Variants in ZDHHC13 observed in about 807,000 individuals in gnomAD.
ZDHHC13 encodes palmitoyltransferase ZDHHC13.
In ZDHHC13, 85 loss-of-function variants were observed where a neutral mutation model predicts 86.0. The ratio of observed to expected loss-of-function variants is 0.99; its 90% CI spans 0.83 to 1.18. The LOEUF (loss-of-function observed/expected upper bound fraction) is 1.18, where lower values mean the gene tolerates loss of function less well. ZDHHC13 is among the 50% of genes most tolerant of loss of function. The pLI, the probability that ZDHHC13 is intolerant of heterozygous loss-of-function variation, is 0.00. For synonymous variants in ZDHHC13, 263 were observed against 246.4 expected, an observed-to-expected ratio of 1.07 and a Z score of -0.63; for missense variants, 711 against 730.2, an observed-to-expected ratio of 0.97 and a Z score of 0.30.
intron 14 of ZDHHC13, chr11:19,168,744 G>T: frequency 1.1e-6 from 1 of 945,950 alleles, no homozygotes; most frequent in Non-Finnish European, 1.3e-6. Context: ...TATTACTAGA[G>T]CCCTGCTCTA....
At chr11:19,170,881 G>A (rs1850203964) in intron 15 of ZDHHC13, among the ~76,000 whole-genome samples, 1 of 152,186 alleles carries the variant, frequency 6.6e-6, no homozygotes, top group African/African-American at 2.4e-5. Context: ...AAGGTAAATT[G>A]AATTGCTCAA....
chr11:19,124,811 A>C (rs1049280668), intron 1 of ZDHHC13, among the ~76,000 whole-genome samples: 4 of 152,188 alleles, frequency 2.6e-5, no homozygotes, highest in African/African-American at 9.7e-5. Context: ...ACCTATTCAG[A>C]AAAGCAGGTG....
rs1312699352 is a variant in ZDHHC13, at chr11:19,169,421, A to G, written c.1475-990A>G. 3.0e-6 allele frequency: 3 copies of G among 985,330 alleles called. No individual in the cohort carries two copies. The African/African-American group carries it at 5.2e-5, about 17-fold the overall frequency. The allele number at this position is 985,330 out of a possible 1,614,324, so 61.0% of individuals were successfully genotyped here. On this transcript the variant is annotated intron_variant, in intron 14 of 16. Transcript: ENST00000446113. ...GGTTGGGAATCAGAGACTTAAAGAG[A>G]AAAGAAAAGTAGATTTTTAGGATTT...
rs1021441408 is a variant in ZDHHC13 at position 19,117,498 on chromosome 11, C to A, written c.27+222C>A. ...AGGACTGAGGGGTGAGGGCCCGAGCCGGCCCCTCCAGCCTCCATCCCTGGC... is the reference window on the plus strand; with the variant it reads ...AGGACTGAGGGGTGAGGGCCCGAGCAGGCCCCTCCAGCCTCCATCCCTGGC... On this transcript the variant is annotated intron_variant, in intron 1 of 16. Transcript: ENST00000446113. This position sits in a 1 kb window ranked among gnomAD's most constrained non-coding sequence, Gnocchi z 4.2. Among the ~76,000 whole-genome samples, 8 of 152,094 alleles carry A rather than the reference C, an allele frequency of 5.3e-5. No homozygotes were observed. The highest frequency in any genetic ancestry group is 8.8e-5 in the Non-Finnish European group (6 of 68,008).
intron 9 of ZDHHC13, 107 bp from the exon 10 acceptor site, chr11:19,158,833 A>T (rs558687331): frequency 8.4e-6 from 6 of 711,930 alleles, no homozygotes; most frequent in Admixed American, 3.2e-5. Context: ...GAAAGCTATT[A>T]CTGTTGCTGC....
intron 12 of ZDHHC13, 188 bp downstream of exon 12, chr11:19,164,551 G>A (rs1171231401): frequency 1.6e-6 from 1 of 606,138 alleles, no homozygotes; most frequent in East Asian, 2.8e-5. Context: ...ATAATCTCTT[G>A]AAGTTGTCTC....
intron 1 of ZDHHC13, among the ~76,000 whole-genome samples, chr11:19,136,806 A>G (rs1191795622): frequency 6.6e-6 from 1 of 151,740 alleles, no homozygotes; most frequent in Non-Finnish European, 1.5e-5. Context: ...AGAATTTCAT[A>G]TCCAGCCAAA....
intron 1 of ZDHHC13, among the ~76,000 whole-genome samples, chr11:19,139,087 T>C (rs1849232278): frequency 6.6e-6 from 1 of 151,982 alleles, no homozygotes; most frequent in Admixed American, 6.6e-5. Flanking sequence ...GAGAAGGAAA[T>C]AAAGGGTATT....
At chr11:19,136,793 C>T (rs1176675274) in intron 1 of ZDHHC13, among the ~76,000 whole-genome samples, 1 of 151,790 alleles carries the variant, frequency 6.6e-6, no homozygotes, top group Non-Finnish European at 1.5e-5. Context: ...GAATTTTCAA[C>T]CCAGAATTTC....
At chr11:19,168,977 C>T in intron 14 of ZDHHC13, 1 of 985,432 alleles carries the variant, frequency 1.0e-6, no homozygotes, top group Non-Finnish European at 1.2e-6. Context: ...ATGTGAGTTC[C>T]CTACCATTAG....
At chr11:19,172,867 G>C (rs1193183270) in intron 16 of ZDHHC13, 47 bp downstream of exon 16, 33 of 1,514,882 alleles carry the variant, frequency 2.2e-5, no homozygotes, top group Non-Finnish European at 2.9e-5. Context: ...AAGATCCCTA[G>C]TCACTGGTTT....
At chr11:19,164,416 G>A (rs369144401) in intron 12 of ZDHHC13, 53 bp downstream of exon 12, 203 of 1,526,756 alleles carry the variant, frequency 1.3e-4, no homozygotes, top group Middle Eastern at 1.7e-4. Flanking sequence ...TCTTGGTAAC[G>A]TTGCTGATGT....
chr11:19,176,142 G>T lies in ZDHHC13; in HGVS notation c.*182G>T. On this transcript the variant is annotated 3_prime_UTR_variant, in exon 17 of 17. Coordinates refer to ENST00000446113, the MANE Select transcript of ZDHHC13 (RefSeq NM_019028.3). ...TACAATTTTTTAGGTTTAGAAAGAT[G>T]GACTTTTCTGATAAATCTTGGCAGA... 4.3e-6 allele frequency: 2 copies of T among 463,446 alleles called. No individual in the cohort carries two copies. Among genetic ancestry groups the T allele is most frequent in the East Asian group, 3.7e-5 (1 of 26,956 alleles). The allele number at this position is 463,446 out of a possible 1,614,324, so 28.7% of individuals were successfully genotyped here.
intron 12 of ZDHHC13, chr11:19,164,747 C>A (rs2042688): frequency 0.66 from 274,946 of 413,470 alleles, 94,080 homozygotes; most frequent in Admixed American, 0.76. Flanking sequence ...ATTGGTGGTG[C>A]TAAAAATGGA....
intron 1 of ZDHHC13, among the ~76,000 whole-genome samples, chr11:19,134,806 T>C (rs73438348): frequency 0.05 from 7,673 of 152,140 alleles, 188 homozygotes; most frequent in East Asian, 0.06. Flanking sequence ...TGTATACCTA[T>C]GTAACAAACC....
intron 1 of ZDHHC13, among the ~76,000 whole-genome samples, chr11:19,125,312 A>G (rs1848849991): frequency 6.6e-6 from 1 of 152,206 alleles, no homozygotes; most frequent in Admixed American, 6.5e-5. Flanking sequence ...AAAAATGGAC[A>G]AAAGACTTGA....
chr11:19,139,717 A>G (rs1392196275), intron 1 of ZDHHC13, among the ~76,000 whole-genome samples: 2 of 149,126 alleles, frequency 1.3e-5, no homozygotes, highest in African/African-American at 5.0e-5. Context: ...CAAAACAGAG[A>G]TATAGATCAA....
chr11:19,165,889 G>A (rs1850051891), intron 13 of ZDHHC13, among the ~76,000 whole-genome samples: 1 of 152,182 alleles, frequency 6.6e-6, no homozygotes, highest in African/African-American at 2.4e-5. Flanking sequence ...CTAGAAAAGT[G>A]TTTGCTTAGT....
At chr11:19,133,473 C>G (rs1849049494) in intron 1 of ZDHHC13, among the ~76,000 whole-genome samples, 1 of 151,564 alleles carries the variant, frequency 6.6e-6, no homozygotes, top group South Asian at 2.1e-4. Flanking sequence ...TTATAATAGC[C>G]CCAAACTGGG....
Sources: allele counts gnomAD v4.1 joint callset (sites outside exome capture counted in the v4.1 genomes callset), GRCh38; gene constraint gnomAD v4.1.1; non-coding constraint Gnocchi (gnomAD v3.1); transcripts MANE v1.5; gene names NCBI Gene and HGNC (gene_info 2026-07-23, HGNC 2026-07-21).